Variants in LAMC2 observed in about 807,000 individuals in gnomAD.
LAMC2 encodes the protein laminin subunit gamma 2.
A neutral mutation model predicts 140.2 loss-of-function variants in LAMC2; 97 were observed. The observed-to-expected ratio is 0.69, with a 90% CI of 0.59 to 0.82. The LOEUF (loss-of-function observed/expected upper bound fraction) is 0.82, where lower values mean the gene tolerates loss of function less well. Among genes scored for constraint, LAMC2 ranks in the 40% least tolerant of loss-of-function variants. The probability of loss-of-function intolerance (pLI) is 0.00; values close to 1 mark genes in which losing one functional copy is unlikely to be tolerated. For synonymous variants in LAMC2, 513 were observed against 540.2 expected, an observed-to-expected ratio of 0.95 and a Z score of 0.70; for missense variants, 1,402 against 1,476.1, an observed-to-expected ratio of 0.95 and a Z score of 0.82.
At position 183,225,528 on chromosome 1, in the gene LAMC2, G is replaced by A. The variant is rs140775042; in HGVS notation, c.954-80G>A. On this transcript the variant is annotated intron_variant, in intron 7 of 22. Coordinates refer to ENST00000264144, the MANE Select transcript of LAMC2 (RefSeq NM_005562.3). The stretch of plus-strand genomic sequence containing the variant: ...ACTGGGAAGGGGCTTAGCTGTTCCC[G>A]TATCCTCAGGCATAATTTATAACAG... 1.2e-4 allele frequency: 120 copies of A among 991,074 alleles called. No individual in the cohort carries two copies. In the African/African-American group the frequency reaches 1.2e-3, roughly 10 times the overall value. The allele number at this position is 991,074 out of a possible 1,614,324, so 61.4% of individuals were successfully genotyped here.
chr1:183,194,072 A>C lies in LAMC2; in HGVS notation c.79+7641A>C, dbSNP rs182066684. 8.6e-3 allele frequency among the ~76,000 whole-genome samples: 1,308 copies of C among 152,224 alleles called. 30 individuals are homozygous for C. Among genetic ancestry groups the C allele is most frequent in the African/African-American group, 0.03 (1,251 of 41,524 alleles). On this transcript the variant is annotated intron_variant, in intron 1 of 22. Transcript: ENST00000264144. The stretch of plus-strand genomic sequence containing the variant: ...GTAGCTGGGATTACAGGCGCATGCC[A>C]CCAGGCCCAGCTAATTTTTATATTT...
At chr1:183,230,256 C>A (rs531840757) in intron 11 of LAMC2, among the ~76,000 whole-genome samples, 2 of 152,110 alleles carry the variant, frequency 1.3e-5, no homozygotes, top group African/African-American at 4.8e-5. Flanking sequence ...TCCCAACTCT[C>A]GAAGAGTCCG....
intron 1 of LAMC2, among the ~76,000 whole-genome samples, chr1:183,200,561 C>G (rs938495562): frequency 6.6e-6 from 1 of 152,130 alleles, no homozygotes; most frequent in Admixed American, 6.5e-5. Context: ...TATTTCAAGG[C>G]CTTGTCCTGC....
chr1:183,220,919 G>T lies in LAMC2; in HGVS notation c.598G>T (p.Ala200Ser), dbSNP rs1344206722. The T allele has an allele frequency of 5.0e-6, 8 of 1,614,022 alleles. No homozygotes were observed. Among genetic ancestry groups the T allele is most frequent in the Non-Finnish European group, 6.8e-6 (8 of 1,179,994 alleles). The change falls in exon 5 of 23, where the codon GCA (alanine) becomes TCA (serine). Residue 200 changes from alanine to serine, a missense_variant. Coordinates refer to ENST00000264144, the MANE Select transcript of LAMC2 (RefSeq NM_005562.3). Reference sequence around the variant, plus strand: ...GCATTCAGCCAGCTGCCGCAGCTCTGCAGAATACAGTGTCCATAAGATCAC... The same window carrying T: ...GCATTCAGCCAGCTGCCGCAGCTCTTCAGAATACAGTGTCCATAAGATCAC... ...YGHSASCRSSAEYSVHKITST... is the reference protein window; with the variant it reads ...YGHSASCRSSSEYSVHKITST...
In LAMC2 at chr1:183,226,795, C is replaced by T. The variant is rs1659639440; in HGVS notation, c.1164C>T (p.Tyr388=). Residue 388 remains tyrosine (Y), a synonymous_variant, in exon 9 of 23, where the codon TAC becomes TAT. Coordinates refer to ENST00000264144, the MANE Select transcript of LAMC2 (RefSeq NM_005562.3). ...WVEQCICPVG[Y]KGQFCQDCAS... is the part of the protein sequence containing the mutation. ...AACAGTGTATATGTCCTGTTGGGTACAAGGGGCAATTCTGCCAGGATTGTG... is the reference window on the plus strand; with the variant it reads ...AACAGTGTATATGTCCTGTTGGGTATAAGGGGCAATTCTGCCAGGATTGTG... 2.0e-5 allele frequency: 32 copies of T among 1,614,054 alleles called. No individual in the cohort carries two copies. The highest frequency in any genetic ancestry group is 2.4e-5 in the Non-Finnish European group (28 of 1,180,034).
intron 3 of LAMC2, 139 bp from the exon 4 acceptor site, chr1:183,218,251 G>A: frequency 1.4e-6 from 1 of 722,094 alleles, no homozygotes; most frequent in South Asian, 1.5e-5. Context: ...GTCCGCACGG[G>A]CGAGGATGGC....
chr1:183,243,098 T>C (rs753878789), intron 22 of LAMC2, 49 bp from the exon 23 acceptor site: 8 of 1,611,510 alleles, frequency 5.0e-6, no homozygotes, highest in Non-Finnish European at 6.8e-6. Flanking sequence ...TTCAAGGAGA[T>C]CTAACTACAG....
intron 5 of LAMC2, among the ~76,000 whole-genome samples, 166 bp from the exon 6 acceptor site, chr1:183,221,923 G>A (rs1376594458): frequency 2.6e-5 from 4 of 152,148 alleles, no homozygotes; most frequent in Non-Finnish European, 5.9e-5. Context: ...GAGCCACATA[G>A]AGAGATACAT....
At chr1:183,194,558 A>C (rs1658453106) in intron 1 of LAMC2, among the ~76,000 whole-genome samples, 1 of 152,212 alleles carries the variant, frequency 6.6e-6, no homozygotes, top group African/African-American at 2.4e-5. Context: ...AAATAATTGA[A>C]AAATCATGGT....
Position 183,215,485 on chromosome 1 carries a change from C to A in LAMC2, c.301C>A (p.Arg101=). 2 of 1,614,110 alleles carry A rather than the reference C, an allele frequency of 1.2e-6. No homozygotes were observed. Among genetic ancestry groups the A allele is most frequent in the Non-Finnish European group, 1.7e-6 (2 of 1,180,022 alleles). Reference sequence around the variant, plus strand: ...TAGTGCTCGATGTGACAACTCCGGACGGTGCAGCTGTAAACCAGGTGTGAC... The same window carrying A: ...TAGTGCTCGATGTGACAACTCCGGAAGGTGCAGCTGTAAACCAGGTGTGAC... The part of the protein sequence containing the change: ...SLSARCDNSG[R]CSCKPGVTGA... Residue 101 remains arginine, a synonymous_variant, in exon 3 of 23, where the codon CGG becomes AGG. Transcript: ENST00000264144.
intron 1 of LAMC2, among the ~76,000 whole-genome samples, chr1:183,205,053 C>G (rs187037349): frequency 6.6e-6 from 1 of 152,174 alleles, no homozygotes; most frequent in Non-Finnish European, 1.5e-5. Flanking sequence ...AAACTCCTGA[C>G]GTCAGGTGAT....
chr1:183,240,697 A>G (rs77829842), intron 22 of LAMC2: 4 of 1,301,470 alleles, frequency 3.1e-6, no homozygotes, highest in Non-Finnish European at 3.9e-6. Flanking sequence ...ATCCTGCTAA[A>G]GAGTCTGGCC....
intron 3 of LAMC2, among the ~76,000 whole-genome samples, chr1:183,217,062 A>G (rs1463801913): frequency 6.6e-6 from 1 of 152,224 alleles, no homozygotes; most frequent in East Asian, 1.9e-4. Flanking sequence ...AGATTGGCAA[A>G]GAAATTCCAG....
chr1:183,193,000 C>T (rs554986344), intron 1 of LAMC2, among the ~76,000 whole-genome samples: 3 of 152,330 alleles, frequency 2.0e-5, no homozygotes, highest in South Asian at 4.1e-4. Flanking sequence ...CCACTGTGCC[C>T]AGCCTGAATT....
intron 22 of LAMC2, among the ~76,000 whole-genome samples, chr1:183,241,587 A>G (rs144362462): frequency 6.6e-6 from 1 of 152,334 alleles, no homozygotes; most frequent in Non-Finnish European, 1.5e-5. Flanking sequence ...GATTCGTCAC[A>G]GATTCCAGTA....
chr1:183,203,464 T>A (rs1658783752), intron 1 of LAMC2, among the ~76,000 whole-genome samples: 1 of 152,096 alleles, frequency 6.6e-6, no homozygotes, highest in South Asian at 2.1e-4. Flanking sequence ...AATAGAAAAG[T>A]TGTTTCCTGC....
chr1:183,226,951 G>C, intron 9 of LAMC2, 35 bp downstream of exon 9: 1 of 1,533,194 alleles, frequency 6.5e-7, no homozygotes, highest in Middle Eastern at 2.0e-4. Flanking sequence ...GGTGGCTGGG[G>C]TGTCATGTGG....
intron 2 of LAMC2, among the ~76,000 whole-genome samples, chr1:183,209,688 A>T (rs1431096073): frequency 6.6e-6 from 1 of 152,242 alleles, no homozygotes; most frequent in Non-Finnish European, 1.5e-5. Flanking sequence ...GGGTCATCCC[A>T]GTGAAATGAT....
At position 183,227,594 on chromosome 1, in the gene LAMC2, C is replaced by T. The variant is rs1235177884; in HGVS notation, c.1365C>T (p.Asp455=). Residue 455 remains aspartate, a synonymous_variant, in exon 10 of 23, where the codon GAC becomes GAT. Coordinates refer to ENST00000264144, the MANE Select transcript of LAMC2 (RefSeq NM_005562.3). ...TTGGTTTCTACAACGATCCGCACGACCCCCGCAGCTGCAAGCCATGTCCCT... is the reference window on the plus strand; with the variant it reads ...TTGGTTTCTACAACGATCCGCACGATCCCCGCAGCTGCAAGCCATGTCCCT... ...CPIGFYNDPH[D]PRSCKPCPCH... The T allele has an allele frequency of 1.2e-6, 2 of 1,614,144 alleles. No homozygotes were observed. The highest frequency in any genetic ancestry group is 1.7e-6 in the Non-Finnish European group (2 of 1,180,016).
Sources: allele counts gnomAD v4.1 joint callset (sites outside exome capture counted in the v4.1 genomes callset), GRCh38; gene constraint gnomAD v4.1.1; transcripts MANE v1.5; gene names NCBI Gene and HGNC (gene_info 2026-07-23, HGNC 2026-07-21).